Variants in CADM2 observed in about 807,000 individuals in gnomAD.
The protein encoded by CADM2 is immunoglobulin superfamily member 4D.
A neutral mutation model predicts 49.8 loss-of-function variants in CADM2; 12 were observed. The ratio of observed to expected loss-of-function variants is 0.24; its 90% CI spans 0.15 to 0.39. The LOEUF (loss-of-function observed/expected upper bound fraction) is 0.39. CADM2 is among the 10% of genes least tolerant of loss of function. The probability of loss-of-function intolerance (pLI) is 1.00; values close to 1 mark genes in which losing one functional copy is unlikely to be tolerated. For synonymous variants in CADM2, 214 were observed against 175.4 expected (o/e 1.22, Z -1.74); for missense variants, 378 against 492.3 (o/e 0.77, Z 2.20).
At chr3:85,081,943 G>T (rs1575825351) in intron 1 of CADM2, among the ~76,000 whole-genome samples, 1 of 151,940 alleles carries the variant, frequency 6.6e-6, no homozygotes, top group East Asian at 1.9e-4. Context: ...CAGAACAGTT[G>T]TGAAATGTTT....
intron 1 of CADM2, among the ~76,000 whole-genome samples, chr3:85,281,117 A>G (rs2043488829): frequency 6.6e-6 from 1 of 151,916 alleles, no homozygotes; most frequent in South Asian, 2.1e-4. Context: ...AAATACTTAA[A>G]TCTTTTGACA....
chr3:85,707,723 G>A (rs1490713281), intron 1 of CADM2, among the ~76,000 whole-genome samples: 1 of 151,938 alleles, frequency 6.6e-6, no homozygotes, highest in Non-Finnish European at 1.5e-5. Flanking sequence ...CTTTAGTTTA[G>A]CATCTTTAAA....
chr3:85,869,882 T>C (rs1015083026), intron 3 of CADM2, among the ~76,000 whole-genome samples: 3 of 152,036 alleles, frequency 2.0e-5, no homozygotes, highest in Non-Finnish European at 4.4e-5. Context: ...AGGACGGTAT[T>C]GATCTCCTGA....
intron 8 of CADM2, among the ~76,000 whole-genome samples, chr3:86,064,301 A>G (rs1449195712): frequency 6.6e-6 from 1 of 151,690 alleles, no homozygotes; most frequent in African/African-American, 2.4e-5. Context: ...GAGAACATGC[A>G]GTGTTTGGTT....
intron 1 of CADM2, among the ~76,000 whole-genome samples, chr3:85,143,186 A>G (rs1209174791): frequency 6.6e-6 from 1 of 152,208 alleles, no homozygotes; most frequent in Non-Finnish European, 1.5e-5. Context: ...AAAATTTGGA[A>G]TAATTTTATT....
intron 1 of CADM2, among the ~76,000 whole-genome samples, chr3:85,270,030 A>G (rs998215744): frequency 5.3e-5 from 8 of 151,224 alleles, no homozygotes; most frequent in African/African-American, 1.5e-4. Context: ...TCATCTATAA[A>G]TAGGTGTTTT....
chr3:85,035,263 G>T (rs1177878798), intron 1 of CADM2, among the ~76,000 whole-genome samples: 1 of 151,932 alleles, frequency 6.6e-6, no homozygotes, highest in Non-Finnish European at 1.5e-5. Context: ...TTTTAAATCC[G>T]ATTATTAGAT....
intron 1 of CADM2, among the ~76,000 whole-genome samples, chr3:84,997,554 A>C (rs2033243900): frequency 6.6e-6 from 1 of 152,048 alleles, no homozygotes; most frequent in Admixed American, 6.6e-5. Context: ...GATACATAAA[A>C]ATTATCTGAA....
chr3:85,139,295 T>C (rs2039508882), intron 1 of CADM2, among the ~76,000 whole-genome samples: 1 of 152,194 alleles, frequency 6.6e-6, no homozygotes, highest in East Asian at 1.9e-4. Flanking sequence ...AGCCAAGATA[T>C]CATGATTTTT....
At chr3:85,455,973 C>T (rs1212082817) in intron 1 of CADM2, among the ~76,000 whole-genome samples, 1 of 152,154 alleles carries the variant, frequency 6.6e-6, no homozygotes, top group East Asian at 1.9e-4. Context: ...TACTTCTACA[C>T]ATAAAAATAA....
chr3:85,598,462 G>A (rs953374282), intron 1 of CADM2, among the ~76,000 whole-genome samples: 13 of 151,778 alleles, frequency 8.6e-5, no homozygotes, highest in African/African-American at 2.9e-4. Context: ...TAAATTAATA[G>A]TGTCATCCAC....
intron 1 of CADM2, among the ~76,000 whole-genome samples, chr3:85,479,549 T>C (rs1198873496): frequency 6.6e-6 from 1 of 151,914 alleles, no homozygotes; most frequent in East Asian, 1.9e-4. Flanking sequence ...AGCAGGAGAT[T>C]CAGATTCCGA....
chr3:85,573,836 C>A lies in CADM2; in HGVS notation c.62-152686C>A, dbSNP rs571322472. ...TGTCTAATCACTTTAATTAACTAGT[C>A]CTTATGACATGTCTGCCCACAGAGA... On this transcript the variant is annotated intron_variant, in intron 1 of 9. Coordinates refer to ENST00000383699, the MANE Select transcript of CADM2 (RefSeq NM_001167675.2). 2.6e-5 allele frequency among the ~76,000 whole-genome samples: 4 copies of A among 152,238 alleles called. No homozygotes were observed. In the South Asian group the frequency reaches 8.3e-4, roughly 32 times the overall value.
In CADM2 at chr3:85,802,186, C is replaced by G; in HGVS notation, c.228C>G (p.Asp76Glu). The change falls in exon 3 of 10, where the codon GAC becomes GAG. Residue 76 changes from aspartate (D) to glutamate (E), a missense_variant. Physicochemically the swap from Asp to Glu is conservative, Grantham distance 45. Coordinates refer to ENST00000383699, the MANE Select transcript of CADM2 (RefSeq NM_001167675.2). Reference sequence around the variant, plus strand: ...CAGCTCAACAGACTCTGTACTTTGACGACAAGAAAGGTGAATACATTTTCT... The same window carrying G: ...CAGCTCAACAGACTCTGTACTTTGAGGACAAGAAAGGTGAATACATTTTCT... ...SNPAQQTLYF[D>E]DKKALRDNRI... 1 of 1,609,438 alleles carries G rather than the reference C, an allele frequency of 6.2e-7. No homozygotes were observed.
intron 1 of CADM2, among the ~76,000 whole-genome samples, chr3:85,367,089 A>G (rs533046941): frequency 6.6e-6 from 1 of 152,154 alleles, no homozygotes; most frequent in Non-Finnish European, 1.5e-5. Context: ...GATGTGTCCA[A>G]TTAATTATCG....
chr3:85,325,230 C>A (rs1214162625), intron 1 of CADM2, among the ~76,000 whole-genome samples: 1 of 152,136 alleles, frequency 6.6e-6, no homozygotes, highest in Non-Finnish European at 1.5e-5. Flanking sequence ...AATTCCATTT[C>A]CATAAATTGT....
chr3:85,459,482 C>A (rs534070199), intron 1 of CADM2, among the ~76,000 whole-genome samples: 56 of 152,164 alleles, frequency 3.7e-4, no homozygotes, highest in Admixed American at 1.1e-3. Flanking sequence ...AAGGGGACTA[C>A]GCTGTGTCAA....
intron 8 of CADM2, among the ~76,000 whole-genome samples, chr3:86,038,224 A>T (rs1735419856): frequency 1.3e-5 from 2 of 152,238 alleles, no homozygotes; most frequent in South Asian, 4.1e-4. Context: ...TCAACTTCTT[A>T]ACATGTGTTA....
intron 1 of CADM2, among the ~76,000 whole-genome samples, chr3:85,058,018 G>A (rs2036157137): frequency 6.6e-6 from 1 of 152,142 alleles, no homozygotes; most frequent in African/African-American, 2.4e-5. Flanking sequence ...CAGTTGAATT[G>A]ATTAGTCTTA....
Sources: allele counts gnomAD v4.1 joint callset (sites outside exome capture counted in the v4.1 genomes callset), GRCh38; gene constraint gnomAD v4.1.1; transcripts MANE v1.5; gene names NCBI Gene and HGNC (gene_info 2026-07-23, HGNC 2026-07-21).